TPM3: variants seen among roughly 807,000 people sequenced by gnomAD.
The protein encoded by TPM3 is tropomyosin 3.
In TPM3, 16 loss-of-function variants were observed where a neutral mutation model predicts 43.1. That is an observed-to-expected ratio of 0.37 (90% CI 0.25 to 0.56). The LOEUF is 0.56. TPM3 is among the 20% of genes least tolerant of loss of function. The pLI is 0.77. For synonymous variants in TPM3, 101 were observed against 116.9 expected, an observed-to-expected ratio of 0.86 and a Z score of 0.88; for missense variants, 176 against 337.2, an observed-to-expected ratio of 0.52 and a Z score of 3.74.
chr1:154,172,754 C>G (rs1258733508), intron 5 of TPM3, 154 bp downstream of exon 5: 8 of 925,832 alleles, frequency 8.6e-6, no homozygotes, highest in Non-Finnish European at 1.4e-5. Context: ...AGCCTAAAAC[C>G]ATTCTTGGGC....
At chr1:154,188,143 A>G (rs1288708072) in intron 2 of TPM3, among the ~76,000 whole-genome samples, 3 of 151,306 alleles carry the variant, frequency 2.0e-5, no homozygotes, top group African/African-American at 7.4e-5. Flanking sequence ...GCAAGCATGA[A>G]CTCCTGGCTT....
chr1:154,175,098 G>A (rs191967912), intron 3 of TPM3, among the ~76,000 whole-genome samples: 4 of 152,184 alleles, frequency 2.6e-5, no homozygotes, highest in Admixed American at 6.5e-5. Context: ...CTGGGAGGCC[G>A]AGGCGGGAGG....
downstream of TPM3, chr1:154,158,629 T>C (rs901617132): frequency 2.5e-6 from 1 of 392,818 alleles, no homozygotes; most frequent in Admixed American, 4.1e-5. Context: ...AGTCCTTTTA[T>C]TGTTAAAAAC....
At chr1:154,172,207 AATTC>A in intron 5 of TPM3, 1 of 1,175,930 alleles carries the variant, frequency 8.5e-7, no homozygotes, top group Non-Finnish European at 1.3e-6. Context: ...GAAAAAAAAA[AATTC>A]AAAAAATGGG....
downstream of TPM3, among the ~76,000 whole-genome samples, chr1:154,161,131 T>TAAA (rs953940037): frequency 1.6e-4 from 14 of 85,056 alleles, no homozygotes; most frequent in South Asian, 3.9e-4. Context: ...ATGCAAATAT[T>TAAA]AAAAAAAAAA....
At chr1:154,173,454 C>T (rs1446830171) in intron 3 of TPM3, among the ~76,000 whole-genome samples, 1 of 152,146 alleles carries the variant, frequency 6.6e-6, no homozygotes, top group South Asian at 2.1e-4. Context: ...CACCTGAGGT[C>T]GGGAGTTCAA....
intron 5 of TPM3, 113 bp from the exon 6 acceptor site, chr1:154,171,601 C>T (rs1226842268): frequency 1.7e-6 from 2 of 1,158,266 alleles, no homozygotes; most frequent in East Asian, 4.8e-5. Flanking sequence ...AGTTGGAAGG[C>T]ATACTGGGGA....
chr1:154,175,197 G>A (rs1662157454), intron 3 of TPM3, among the ~76,000 whole-genome samples: 1 of 152,066 alleles, frequency 6.6e-6, no homozygotes, highest in Non-Finnish European at 1.5e-5. Context: ...CGGGCGTGGT[G>A]GCGGACACCT....
chr1:154,159,610 C>T (rs1462331667), downstream of TPM3, among the ~76,000 whole-genome samples: 1 of 128,528 alleles, frequency 7.8e-6, no homozygotes. Flanking sequence ...ATTTCTTCTT[C>T]TTCTTTAAAA....
chr1:154,168,293 A>AAC (rs1661203920), intron 9 of TPM3, among the ~76,000 whole-genome samples: 1 of 152,130 alleles, frequency 6.6e-6, no homozygotes, highest in East Asian at 1.9e-4. Flanking sequence ...GAACCAATTA[A>AAC]ACACACCCAG....
rs764031377 is a variant in TPM3, at chr1:154,170,719, A to T, written c.643-8T>A. 7 of 1,590,470 alleles carry T rather than the reference A, an allele frequency of 4.4e-6. No individual in the cohort carries two copies. The highest frequency in any genetic ancestry group is 6.0e-6 in the Non-Finnish European group (7 of 1,160,634). On this transcript the variant is annotated splice_region_variant and splice_polypyrimidine_tract_variant and intron_variant, in intron 6 of 9. Coordinates refer to ENST00000651641, the MANE Select transcript of TPM3 (RefSeq NM_152263.4). ...ATCTTCTTTTTGAGAGTACTGTAAG[A>T]TAAGTAGATTAAAAATTTCAGAGTA...
At position 154,191,257 on chromosome 1, in the gene TPM3, G is replaced by C; in HGVS notation, c.172C>G (p.Leu58Val). 1 of 1,614,122 alleles carries C rather than the reference G, an allele frequency of 6.2e-7. No individual in the cohort carries two copies. The highest frequency in any genetic ancestry group is 8.5e-7 in the Non-Finnish European group (1 of 1,180,034). ...TTCAAAGCTTCAGAATACTTGTCCA[G>C]CTCATCCTCTGTCCCTTTCAGCTTC... is the stretch of plus-strand genomic sequence containing the variant. ...QKKLKGTEDE[L>V]DKYSEALKDA... Residue 58 changes from leucine (L) to valine (V), a missense_variant, in exon 2 of 10, where the codon CTG (leucine) becomes GTG (valine). Coordinates refer to ENST00000651641, the MANE Select transcript of TPM3 (RefSeq NM_152263.4).
At chr1:154,174,480 C>A (rs1371460502) in intron 3 of TPM3, among the ~76,000 whole-genome samples, 2 of 141,254 alleles carry the variant, frequency 1.4e-5, no homozygotes, top group African/African-American at 2.6e-5. Context: ...GTTTTCCACA[C>A]TCTTTTTTTT....
chr1:154,171,946 G>T, intron 5 of TPM3: 2 of 1,409,758 alleles, frequency 1.4e-6, no homozygotes, highest in Non-Finnish European at 2.0e-6. Context: ...ATCAAGTGGA[G>T]GGGAGGCAGC....
Position 154,176,177 on chromosome 1 carries a change from C to T in TPM3, c.315G>A (p.Glu105=). 6.2e-7 allele frequency: 1 copy of T among 1,614,214 alleles called. No homozygotes were observed. The highest frequency in any genetic ancestry group is 1.1e-5 in the South Asian group (1 of 91,086). The change falls in exon 3 of 10, where the codon GAG becomes GAA. Residue 105 remains glutamate (E), a synonymous_variant. Transcript: ENST00000651641. ...LVEEELDRAQ[E]RLATALQKLE... ...GCTTTTGCAGGGCAGTGGCCAGGCGCTCCTGAGCACGGTCCAGCTCTTCTT... is the reference window on the plus strand; with the variant it reads ...GCTTTTGCAGGGCAGTGGCCAGGCGTTCCTGAGCACGGTCCAGCTCTTCTT...
downstream of TPM3, chr1:154,156,306 G>C (rs116380388): frequency 5.9e-3 from 1,084 of 183,428 alleles, 17 homozygotes; most frequent in African/African-American, 0.024. Context: ...AAACCTCATA[G>C]CTTCTGTGGA....
chr1:154,169,851 C>G (rs1661382302), intron 8 of TPM3: 1 of 253,408 alleles, frequency 3.9e-6, no homozygotes, highest in Admixed American at 5.1e-5. Flanking sequence ...ACCAAAGGAG[C>G]ATACATCAGA....
At chr1:154,169,154 C>G in intron 9 of TPM3, 151 bp downstream of exon 9, 1 of 936,916 alleles carries the variant, frequency 1.1e-6, no homozygotes, top group Non-Finnish European at 1.7e-6. Flanking sequence ...AAAGCTTTTG[C>G]CAAACAAATA....
chr1:154,157,743 A>C (rs1172843962), downstream of TPM3: 1 of 780,696 alleles, frequency 1.3e-6, no homozygotes, highest in Non-Finnish European at 2.4e-6. Flanking sequence ...AAAGGAGAGA[A>C]GTTACAAGAA....
Sources: allele counts gnomAD v4.1 joint callset (sites outside exome capture counted in the v4.1 genomes callset), GRCh38; gene constraint gnomAD v4.1.1; transcripts MANE v1.5; gene names NCBI Gene and HGNC (gene_info 2026-07-23, HGNC 2026-07-21).